Variants in MAJIN observed in about 807,000 individuals in gnomAD.
MAJIN encodes membrane anchored junction protein.
In MAJIN, 27 loss-of-function variants were observed where a neutral mutation model predicts 30.2. That is an observed-to-expected ratio of 0.89 (90% confidence interval 0.66 to 1.23). The LOEUF is 1.23. Among genes scored for constraint, MAJIN ranks in the 50% most tolerant of loss-of-function variants. The pLI is 0.00. For synonymous variants in MAJIN, 78 were observed against 91.6 expected, an observed-to-expected ratio of 0.85 and a Z score of 0.85; for missense variants, 253 against 260.3, an observed-to-expected ratio of 0.97 and a Z score of 0.19.
Position 64,939,642 on chromosome 11 carries a change from C to G in MAJIN, c.*1+20G>C. On this transcript the variant is annotated intron_variant, in intron 10 of 10. Coordinates refer to ENST00000301896, the MANE Select transcript of MAJIN (RefSeq NM_001037225.3). The stretch of plus-strand genomic sequence containing the variant: ...TCTGAGCTGGATCTCGAGTCTGATG[C>G]CGGACAGAAGCTGTCTTACCTTAGA... 3 of 1,602,220 alleles carry G rather than the reference C, an allele frequency of 1.9e-6. No individual in the cohort carries two copies. Among genetic ancestry groups the G allele is most frequent in the Non-Finnish European group, 2.6e-6 (3 of 1,170,182 alleles).
intron 1 of MAJIN, among the ~76,000 whole-genome samples, chr11:64,966,832 GC>G (rs1283396936): frequency 6.6e-6 from 1 of 151,718 alleles, no homozygotes; most frequent in African/African-American, 2.4e-5. Context: ...TACTCAGGGG[GC>G]TGAGGCAGGA....
rs541869745 is a variant in MAJIN, at chr11:64,948,733, T to C, written c.350-914A>G. Among the ~76,000 whole-genome samples, 276 of 132,482 alleles carry C rather than the reference T, an allele frequency of 2.1e-3. 2 individuals are homozygous for C. The highest frequency in any genetic ancestry group is 3.5e-3 in the Non-Finnish European group (223 of 63,592). 86.9% of individuals were successfully genotyped at this position (132,482 alleles called of 152,430 possible). A position where few individuals can be genotyped will look rare whatever the true frequency, so the allele number is the denominator to read the frequency against. ...GTGCAGGGGCGTGATCTCAGCTCAC[T>C]GCAATCTCTGCCTCCCGGGTTCAAG... is the stretch of plus-strand genomic sequence containing the variant. On this transcript the variant is annotated intron_variant, in intron 6 of 10. Transcript: ENST00000301896.
At chr11:64,940,835 C>CTTTTTTTTTTTTTTTTTTTTTT (rs1168979344) in intron 8 of MAJIN, among the ~76,000 whole-genome samples, 189 bp from the exon 9 acceptor site, 8 of 88,562 alleles carry the variant, frequency 9.0e-5, no homozygotes, top group East Asian at 4.0e-4. Flanking sequence ...TTTTTTCTTT[C>CTTTTTTTTTTTTTTTTTTTTTT]TTTTTTTTTT....
intron 3 of MAJIN, among the ~76,000 whole-genome samples, chr11:64,958,018 T>G (rs1945663279): frequency 6.6e-6 from 1 of 152,032 alleles, no homozygotes; most frequent in Non-Finnish European, 1.5e-5. Flanking sequence ...CCCGGCTCAC[T>G]GCAACCTCCG....
At chr11:64,971,054 G>C (rs1015121862) in intron 1 of MAJIN, among the ~76,000 whole-genome samples, 3 of 152,138 alleles carry the variant, frequency 2.0e-5, no homozygotes, top group Non-Finnish European at 2.9e-5. Flanking sequence ...CAGCACTTTG[G>C]GATGCCGAGG....
chr11:64,966,145 G>GAAAAAAAAAA lies in MAJIN; in HGVS notation c.-65+5722_-65+5731dup, dbSNP rs58387921. Reference sequence around the variant, plus strand: ...ACATGTAAGGAAGAAGATTAAAAATGAAAAAAAAAAAAAAAAAAAAGCAGC... The same window carrying GAAAAAAAAAA: ...ACATGTAAGGAAGAAGATTAAAAATGAAAAAAAAAAAAAAAAAAAAAAAAAAAAAAGCAGC... On this transcript the variant is annotated intron_variant, in intron 1 of 10. Coordinates refer to ENST00000301896, the MANE Select transcript of MAJIN (RefSeq NM_001037225.3). 8.2e-3 allele frequency among the ~76,000 whole-genome samples: 467 copies of GAAAAAAAAAA among 57,094 alleles called. 48 individuals are homozygous for GAAAAAAAAAA. Among genetic ancestry groups the GAAAAAAAAAA allele is most frequent in the Non-Finnish European group, 0.01 (351 of 33,430 alleles). The allele number at this position is 57,094 out of a possible 152,430, so 37.5% of individuals were successfully genotyped here.
chr11:64,944,329 C>G (rs1184076680), intron 8 of MAJIN, among the ~76,000 whole-genome samples: 3 of 152,184 alleles, frequency 2.0e-5, no homozygotes, highest in African/African-American at 7.2e-5. Context: ...ACTTTATGCT[C>G]CCTTTGTATC....
At chr11:64,959,720 T>C (rs528307813) in intron 2 of MAJIN, among the ~76,000 whole-genome samples, 1 of 152,356 alleles carries the variant, frequency 6.6e-6, no homozygotes, top group Non-Finnish European at 1.5e-5. Context: ...TCCGCCCTGA[T>C]GACTCAGAGT....
At position 64,950,371 on chromosome 11, in the gene MAJIN, G is replaced by GTGT. The variant is rs1187599131; in HGVS notation, c.204_206dup (p.Glu68_His69insGln). 6.4e-6 allele frequency: 10 copies of GTGT among 1,550,736 alleles called. No homozygotes were observed. Among genetic ancestry groups the GTGT allele is most frequent in the Non-Finnish European group, 5.3e-6 (6 of 1,126,804 alleles). The stretch of plus-strand genomic sequence containing the variant: ...AAAGGATACAGGGAAATACAATGAA[G>GTGT]TGTTCTGTAGCAAAGGGCTGAAGAT... On this transcript the variant is annotated inframe_insertion, in exon 5 of 11. Transcript: ENST00000301896.
Position 64,950,420 on chromosome 11 carries a change from C to A in MAJIN, c.158G>T (p.Arg53Leu). 6.2e-7 allele frequency: 1 copy of A among 1,613,076 alleles called. No homozygotes were observed. The highest frequency in any genetic ancestry group is 8.5e-7 in the Non-Finnish European group (1 of 1,179,532). The change falls in exon 5 of 11, where the codon CGC becomes CTC. Residue 53 changes from arginine to leucine, a missense_variant. Physicochemically the swap from Arg to Leu is moderately radical, Grantham distance 102. Transcript: ENST00000301896. ...VITQELEDSV[R>L]VVLGNLDNLQ... ...ATTGTCCAAGTTTCCCAAGACCACG[C>A]GGACAGAATCCTGAAAAACATATTT...
intron 1 of MAJIN, among the ~76,000 whole-genome samples, chr11:64,969,468 C>A (rs138188352): frequency 1.4e-5 from 2 of 147,900 alleles, no homozygotes; most frequent in Non-Finnish European, 3.0e-5. Context: ...AAAAAAAAAA[C>A]GACATGACCA....
intron 3 of MAJIN, among the ~76,000 whole-genome samples, chr11:64,957,836 A>G (rs1467159495): frequency 1.3e-5 from 2 of 152,202 alleles, no homozygotes; most frequent in African/African-American, 2.4e-5. Context: ...AGCTGGGATT[A>G]CAGGCATGAG....
intron 1 of MAJIN, among the ~76,000 whole-genome samples, chr11:64,961,862 C>T (rs113588467): frequency 0.027 from 4,137 of 151,252 alleles, 201 homozygotes; most frequent in African/African-American, 0.096. Context: ...ACCCATAGCT[C>T]ACTGCAGCGC....
chr11:64,959,874 C>T (rs1202956570), intron 2 of MAJIN, among the ~76,000 whole-genome samples: 2 of 152,136 alleles, frequency 1.3e-5, no homozygotes, highest in Non-Finnish European at 2.9e-5. Context: ...AATTACAAGC[C>T]AATTAGGAGG....
At chr11:64,968,247 A>G (rs1945842448) in intron 1 of MAJIN, among the ~76,000 whole-genome samples, 1 of 152,134 alleles carries the variant, frequency 6.6e-6, no homozygotes, top group Admixed American at 6.6e-5. Flanking sequence ...GATTTGATAT[A>G]TGCTTTATAA....
At chr11:64,958,893 G>A (rs997380032) in intron 3 of MAJIN, among the ~76,000 whole-genome samples, 6 of 151,988 alleles carry the variant, frequency 3.9e-5, no homozygotes, top group African/African-American at 1.4e-4. Context: ...CCAAAGTGCT[G>A]GGATTATAGG....
At chr11:64,939,824 T>A (rs544327048) in intron 9 of MAJIN, 57 bp from the exon 10 acceptor site, 1 of 1,519,914 alleles carries the variant, frequency 6.6e-7, no homozygotes, top group South Asian at 1.2e-5. Flanking sequence ...CGTTTTCATG[T>A]GAGTAGAAGG....
chr11:64,949,808 A>G lies in MAJIN; in HGVS notation c.284T>C (p.Ile95Thr). ...LKFKHGEIIL[I>T]PYPFVFTLYV... is the part of the protein sequence containing the mutation. Reference sequence around the variant, plus strand: ...TAGAGTAAAAACAAATGGGTAGGGGATCAAGATAATTTCCCCATGTTTGAA... The same window carrying G: ...TAGAGTAAAAACAAATGGGTAGGGGGTCAAGATAATTTCCCCATGTTTGAA... Residue 95 changes from isoleucine to threonine, a missense_variant, in exon 6 of 11, where the codon ATC becomes ACC. Coordinates refer to ENST00000301896, the MANE Select transcript of MAJIN (RefSeq NM_001037225.3). 1 of 1,611,504 alleles carries G rather than the reference A, an allele frequency of 6.2e-7. No homozygotes were observed. Among genetic ancestry groups the G allele is most frequent in the Non-Finnish European group, 8.5e-7 (1 of 1,179,720 alleles).
intron 6 of MAJIN, among the ~76,000 whole-genome samples, chr11:64,948,881 T>G (rs1490642242): frequency 6.8e-6 from 1 of 148,028 alleles, no homozygotes; most frequent in Admixed American, 6.8e-5. Context: ...CTTGAACTCC[T>G]GGCCTCAAGT....
Sources: allele counts gnomAD v4.1 joint callset (sites outside exome capture counted in the v4.1 genomes callset), GRCh38; gene constraint gnomAD v4.1.1; transcripts MANE v1.5; gene names NCBI Gene and HGNC (gene_info 2026-07-23, HGNC 2026-07-21).